C6: variants seen among roughly 807,000 people sequenced by gnomAD.
C6 encodes complement C6, also known as complement component C6.
Under a neutral mutation model 112.9 loss-of-function variants are expected in C6, and 101 were observed. That is an observed-to-expected ratio of 0.89 (90% CI 0.76 to 1.06). The LOEUF (loss-of-function observed/expected upper bound fraction) is 1.06, where lower values mean the gene tolerates loss of function less well. Ranked by LOEUF, C6 falls within the 50% of genes least tolerant of loss-of-function variation. The pLI is 0.00. For missense variants in C6, 1,202 were observed against 1,104.6 expected (o/e 1.09, Z -1.25); for synonymous variants, 431 against 384.1 (o/e 1.12, Z -1.43).
At chr5:41,144,788 G>A (rs777771005) in intron 17 of C6, among the ~76,000 whole-genome samples, 10 of 152,018 alleles carry the variant, frequency 6.6e-5, no homozygotes, top group Admixed American at 1.3e-4. Flanking sequence ...CTTTGTGTCC[G>A]TATGTTCTCA....
intron 1 of C6, among the ~76,000 whole-genome samples, chr5:41,226,756 G>A (rs956605565): frequency 6.6e-6 from 1 of 151,874 alleles, no homozygotes; most frequent in Non-Finnish European, 1.5e-5. Context: ...TGTCCTCCAG[G>A]TTCATCCATG....
chr5:41,174,557 A>G (rs1289286231), intron 8 of C6, among the ~76,000 whole-genome samples: 1 of 152,170 alleles, frequency 6.6e-6, no homozygotes, highest in Non-Finnish European at 1.5e-5. Flanking sequence ...GTGTTTATGA[A>G]ACTCTTTTCA....
At chr5:41,180,926 A>ACGTAAATGTGCGTGTGTTTT (rs1207728229) in intron 7 of C6, among the ~76,000 whole-genome samples, 1 of 151,762 alleles carries the variant, frequency 6.6e-6, no homozygotes, top group African/African-American at 2.4e-5. Flanking sequence ...GCGTGTGTTT[A>ACGTAAATGTGCGTGTGTTTT]CATAAATGTA....
Position 41,194,306 on chromosome 5 carries a change from T to C in C6, c.587+1486A>G, listed in dbSNP as rs1049313035. ...CACATCAGTTTATAGTCATCCAACATATAGATGAGGAAACCGAGGCCCAGA... is the reference window on the plus strand; with the variant it reads ...CACATCAGTTTATAGTCATCCAACACATAGATGAGGAAACCGAGGCCCAGA... On this transcript the variant is annotated intron_variant, in intron 5 of 17. Coordinates refer to ENST00000337836, the MANE Select transcript of C6 (RefSeq NM_000065.5). 2.0e-5 allele frequency among the ~76,000 whole-genome samples: 3 copies of C among 152,286 alleles called. No individual in the cohort carries two copies. The South Asian group carries it at 6.2e-4, about 32-fold the overall frequency.
chr5:41,179,633 C>A (rs1749154313), intron 7 of C6, among the ~76,000 whole-genome samples: 1 of 149,422 alleles, frequency 6.7e-6, no homozygotes, highest in Non-Finnish European at 1.5e-5. Flanking sequence ...CTCTATAGGA[C>A]CCACAGCCCA....
intron 17 of C6, among the ~76,000 whole-genome samples, chr5:41,148,310 T>G (rs2150227050): frequency 6.6e-6 from 1 of 152,288 alleles, no homozygotes; most frequent in Non-Finnish European, 1.5e-5. Context: ...ATGGAAACAG[T>G]TCCATGACAT....
chr5:41,149,195 T>C (rs199686291), intron 17 of C6, 46 bp downstream of exon 17: 1 of 1,609,148 alleles, frequency 6.2e-7, no homozygotes, highest in Non-Finnish European at 8.5e-7. Flanking sequence ...CTAGCTGAGA[T>C]GAAGGTTAAG....
rs201064036 is a variant in C6 at position 41,181,462 on chromosome 5, C to T, written c.824G>A (p.Gly275Glu). 1 of 1,613,704 alleles carries T rather than the reference C, an allele frequency of 6.2e-7. No individual in the cohort carries two copies. Among genetic ancestry groups the T allele is most frequent in the Non-Finnish European group, 8.5e-7 (1 of 1,179,776 alleles). ...ENQQGSFSSQ[G>E]GSSFSVPIFY... The stretch of plus-strand genomic sequence containing the variant: ...AATTGGTACACTGAAAGAGCTCCCC[C>T]CCTGACTTGAGAATGAGCCTTGTTG... Residue 275 changes from glycine (G) to glutamate (E), a missense_variant, in exon 7 of 18, where the codon GGG (glycine) becomes GAG (glutamate). Physicochemically the swap from Gly to Glu is moderately conservative, Grantham distance 98. Transcript: ENST00000337836.
chr5:41,199,135 C>T (rs1407017936), intron 4 of C6, among the ~76,000 whole-genome samples: 1 of 152,002 alleles, frequency 6.6e-6, no homozygotes, highest in Admixed American at 6.6e-5. Flanking sequence ...GGTCTTGGGT[C>T]AATTTTCTGT....
At chr5:41,252,204 T>C (rs1249890654) in intron 1 of C6, among the ~76,000 whole-genome samples, 1 of 152,224 alleles carries the variant, frequency 6.6e-6, no homozygotes, top group East Asian at 1.9e-4. Context: ...ATGAGCATTG[T>C]GTATTCAAAG....
chr5:41,226,333 C>A (rs532466678), intron 1 of C6, among the ~76,000 whole-genome samples: 5 of 152,102 alleles, frequency 3.3e-5, no homozygotes, highest in Non-Finnish European at 7.4e-5. Flanking sequence ...ATTTATGCAG[C>A]CAGAAGACAC....
intron 1 of C6, among the ~76,000 whole-genome samples, chr5:41,225,153 GT>G (rs1231906893): frequency 6.6e-6 from 1 of 152,132 alleles, no homozygotes; most frequent in Non-Finnish European, 1.5e-5. Flanking sequence ...CCATGTTGGT[GT>G]GCCGCACCCA....
At chr5:41,207,994 C>T (rs531806960) in intron 1 of C6, among the ~76,000 whole-genome samples, 1 of 152,304 alleles carries the variant, frequency 6.6e-6, no homozygotes, top group South Asian at 2.1e-4. Context: ...CACTCCTCCG[C>T]AAATGTAGAA....
chr5:41,199,991 A>G, intron 3 of C6, 79 bp from the exon 4 acceptor site: 2 of 1,285,324 alleles, frequency 1.6e-6, no homozygotes, highest in Non-Finnish European at 2.3e-6. Context: ...GGGCTCCTCA[A>G]TCACAACAGT....
intron 1 of C6, among the ~76,000 whole-genome samples, chr5:41,247,364 A>G (rs1479751904): frequency 1.3e-5 from 2 of 152,228 alleles, no homozygotes; most frequent in African/African-American, 4.8e-5. Context: ...GTACAAAAAT[A>G]AATAACATTA....
chr5:41,176,814 C>A, intron 7 of C6, 99 bp from the exon 8 acceptor site: 1 of 1,116,722 alleles, frequency 9.0e-7, no homozygotes, highest in Non-Finnish European at 1.3e-6. Context: ...TTCATTCCCA[C>A]CACAGAATTA....
At chr5:41,165,233 A>G (rs1037334487) in intron 9 of C6, among the ~76,000 whole-genome samples, 2 of 152,154 alleles carry the variant, frequency 1.3e-5, no homozygotes, top group African/African-American at 4.8e-5. Flanking sequence ...TAAATGAACA[A>G]TGTGGCTTTT....
Position 41,195,857 on chromosome 5 carries a change from C to T in C6, c.522G>A (p.Gly174=), listed in dbSNP as rs777856239. ...CGDNSDERDC[G]RTKAVCTRKY... Reference sequence around the variant, plus strand: ...TCCGTGTGCATACTGCCTTTGTCCTCCCACAGTCCCTTTCATCTGAATTGT... The same window carrying T: ...TCCGTGTGCATACTGCCTTTGTCCTTCCACAGTCCCTTTCATCTGAATTGT... The change falls in exon 5 of 18, where the codon GGG becomes GGA. Residue 174 remains glycine (G), a synonymous_variant. Transcript: ENST00000337836. 4 of 1,613,908 alleles carry T rather than the reference C, an allele frequency of 2.5e-6. No homozygotes were observed. The highest frequency in any genetic ancestry group is 2.7e-5 in the African/African-American group (2 of 74,924).
chr5:41,235,181 G>T (rs1291081270), intron 1 of C6, among the ~76,000 whole-genome samples: 3 of 142,460 alleles, frequency 2.1e-5, no homozygotes, highest in South Asian at 2.4e-4. Flanking sequence ...ACCCACTAAC[G>T]TGTCATCTAG....
Sources: allele counts gnomAD v4.1 joint callset (sites outside exome capture counted in the v4.1 genomes callset), GRCh38; gene constraint gnomAD v4.1.1; transcripts MANE v1.5; gene names NCBI Gene and HGNC (gene_info 2026-07-23, HGNC 2026-07-21).